Variants in MYO9A observed in about 807,000 individuals in gnomAD.
MYO9A encodes the protein myosin IXA.
A neutral mutation model predicts 293.3 loss-of-function variants in MYO9A; 103 were observed. The ratio of observed to expected loss-of-function variants is 0.35; its 90% CI spans 0.30 to 0.41. MYO9A has a LOEUF of 0.41. MYO9A is among the 10% of genes least tolerant of loss of function. The pLI is 1.00. For synonymous variants in MYO9A, 1,001 were observed against 1,035.7 expected (o/e 0.97, Z 0.64); for missense variants, 2,685 against 3,033.0 (o/e 0.89, Z 2.69).
intron 17 of MYO9A, among the ~76,000 whole-genome samples, chr15:71,933,996 T>A (rs1252756969): frequency 6.6e-6 from 1 of 152,152 alleles, no homozygotes; most frequent in Non-Finnish European, 1.5e-5. Flanking sequence ...CAGGTTCATT[T>A]TCTTCAGTTG....
intron 26 of MYO9A, chr15:71,892,893 T>G (rs2057220065): frequency 1.0e-6 from 1 of 978,502 alleles, no homozygotes; most frequent in South Asian, 1.7e-5. Context: ...GCTGTGAAGG[T>G]TAGCTTTAGA....
chr15:71,899,903 C>T lies in MYO9A; in HGVS notation c.3254G>A (p.Trp1085Ter). 1 of 1,614,072 alleles carries T rather than the reference C, an allele frequency of 6.2e-7. No individual in the cohort carries two copies. The highest frequency in any genetic ancestry group is 8.5e-7 in the Non-Finnish European group (1 of 1,180,020). ...CCGCTGCCTCTCTAAGTGAGCACGCCAGGAAGCTTGGAGAAGAGCAGCTGC... is the reference window on the plus strand; with the variant it reads ...CCGCTGCCTCTCTAAGTGAGCACGCTAGGAAGCTTGGAGAAGAGCAGCTGC... ...ASAAALLQAS[W>*]RAHLERQRYL... Residue 1085 changes from tryptophan (W) to a stop codon, truncating the protein, a stop_gained, in exon 24 of 42, where the codon TGG (tryptophan) becomes TAG (stop). Coordinates refer to ENST00000356056, the MANE Select transcript of MYO9A (RefSeq NM_006901.4). LOFTEE classifies it high-confidence loss of function.
chr15:71,951,924 A>C (rs771381022), intron 14 of MYO9A, 28 bp from the exon 15 acceptor site: 3 of 1,562,236 alleles, frequency 1.9e-6, no homozygotes, highest in South Asian at 1.2e-5. Context: ...AACAAACAAA[A>C]AAAAAAGGAG....
chr15:71,871,098 G>GGT (rs2056496653), intron 32 of MYO9A, among the ~76,000 whole-genome samples: 2 of 152,164 alleles, frequency 1.3e-5, no homozygotes, highest in African/African-American at 4.8e-5. Context: ...TACTAGGCCA[G>GGT]GTGTGGTGGC....
intron 9 of MYO9A, among the ~76,000 whole-genome samples, chr15:71,998,545 GC>G (rs2076767711): frequency 7.8e-6 from 1 of 127,990 alleles, no homozygotes; most frequent in African/African-American, 2.9e-5. Flanking sequence ...TAAAGATTTG[GC>G]TTTCTTTTTT....
At position 71,933,697 on chromosome 15, in the gene MYO9A, AT is replaced by A; in HGVS notation, c.2534del (p.Asn845IlefsTer13). On this transcript the variant is annotated frameshift_variant, in exon 18 of 42. Transcript: ENST00000356056. LOFTEE classifies it high-confidence loss of function. The part of the protein sequence containing the change: ...RAHGILTRNK[N>X]FKSKPALPKH... The stretch of plus-strand genomic sequence containing the variant: ...TTGGAAGGGCAGGCTTGGATTTGAA[AT>A]TTTTGTTTCTCCTATAGAGATAAAT... The A allele has an allele frequency of 6.3e-7, 1 of 1,589,524 alleles. No homozygotes were observed. The highest frequency in any genetic ancestry group is 8.6e-7 in the Non-Finnish European group (1 of 1,167,582).
chr15:72,020,945 T>G lies in MYO9A; in HGVS notation c.1071A>C (p.Gln357His), dbSNP rs1453155362. ...EDERSAFHLK[Q>H]PEEYHYLNQI... is the part of the protein sequence containing the mutation. Reference sequence around the variant, plus strand: ...GATTGAGATAATGATATTCCTCTGGTTGCTTAAGATGGAATGCTGATCTCT... The same window carrying G: ...GATTGAGATAATGATATTCCTCTGGGTGCTTAAGATGGAATGCTGATCTCT... Residue 357 changes from glutamine to histidine, a missense_variant, in exon 5 of 42, where the codon CAA becomes CAC. Gln to His is a conservative substitution (Grantham distance 24, BLOSUM62 0). This residue lies in a region of MYO9A where 289 missense variants were observed against 456.8 expected (regional missense o/e 0.63). Coordinates refer to ENST00000356056, the MANE Select transcript of MYO9A (RefSeq NM_006901.4). 6.5e-7 allele frequency: 1 copy of G among 1,544,152 alleles called. No homozygotes were observed. The highest frequency in any genetic ancestry group is 8.7e-7 in the Non-Finnish European group (1 of 1,152,960).
At position 72,043,538 on chromosome 15, in the gene MYO9A, A is replaced by T. The variant is rs575025444; in HGVS notation, c.840+2186T>A. Among the ~76,000 whole-genome samples the T allele has an allele frequency of 3.3e-5, 5 of 152,348 alleles. 1 individual carries two copies. In the South Asian group the frequency reaches 1.0e-3, roughly 32 times the overall value. On this transcript the variant is annotated intron_variant, in intron 2 of 41. Coordinates refer to ENST00000356056, the MANE Select transcript of MYO9A (RefSeq NM_006901.4). ...GAATGTATTATCGACATATGCAACAACATGGATAAATCTCAAAATAATTAT... is the reference window on the plus strand; with the variant it reads ...GAATGTATTATCGACATATGCAACATCATGGATAAATCTCAAAATAATTAT...
At chr15:71,873,201 G>A (rs553007130) in intron 32 of MYO9A, among the ~76,000 whole-genome samples, 1 of 152,152 alleles carries the variant, frequency 6.6e-6, no homozygotes, top group African/African-American at 2.4e-5. Flanking sequence ...TTACAAGTGT[G>A]AACCACCGCG....
intron 7 of MYO9A, 99 bp downstream of exon 7, chr15:72,010,251 C>A: frequency 3.5e-6 from 3 of 867,304 alleles, no homozygotes; most frequent in South Asian, 1.9e-5. Flanking sequence ...TGAAGAATAC[C>A]ACTTAGAAAA....
intron 9 of MYO9A, among the ~76,000 whole-genome samples, chr15:71,995,021 C>T (rs550608098): frequency 1.3e-4 from 20 of 152,316 alleles, no homozygotes; most frequent in South Asian, 2.1e-4. Context: ...CGTGAGCCAC[C>T]GCACCCAGCC....
chr15:71,992,961 TATAA>T (rs1419276628), intron 10 of MYO9A, among the ~76,000 whole-genome samples: 20 of 152,024 alleles, frequency 1.3e-4, no homozygotes, highest in Non-Finnish European at 2.9e-4. Context: ...AAAAAGATGG[TATAA>T]ATAAATCTAA....
intron 6 of MYO9A, among the ~76,000 whole-genome samples, chr15:72,015,399 C>T (rs1184442586): frequency 6.6e-6 from 1 of 152,122 alleles, no homozygotes; most frequent in East Asian, 1.9e-4. Flanking sequence ...TCTCTGAAAG[C>T]ACTATAGGAG....
At chr15:72,063,539 A>C (rs2078933980) in intron 1 of MYO9A, among the ~76,000 whole-genome samples, 1 of 152,212 alleles carries the variant, frequency 6.6e-6, no homozygotes, top group Non-Finnish European at 1.5e-5. Flanking sequence ...GAGTTCAAAC[A>C]ACTCAATAGG....
At chr15:72,096,117 C>T (rs145740465) in intron 1 of MYO9A, among the ~76,000 whole-genome samples, 3 of 148,110 alleles carry the variant, frequency 2.0e-5, no homozygotes, top group South Asian at 2.1e-4. Flanking sequence ...GCCAAGATCA[C>T]GCCACTATAC....
chr15:72,117,456 G>A (rs1421870185), intron 1 of MYO9A, among the ~76,000 whole-genome samples: 1 of 152,170 alleles, frequency 6.6e-6, no homozygotes, highest in Non-Finnish European at 1.5e-5. Context: ...AATCTCCGGG[G>A]AGGCTGGAGG....
upstream of MYO9A, chr15:72,118,250 A>G (rs1206227958): frequency 2.4e-5 from 8 of 327,792 alleles, no homozygotes; most frequent in African/African-American, 1.1e-4. Context: ...GCTTGCGCAG[A>G]CACGCCCCCT....
chr15:71,875,864 G>A, intron 31 of MYO9A, 26 bp from the exon 32 acceptor site: 2 of 1,277,628 alleles, frequency 1.6e-6, no homozygotes, highest in African/African-American at 1.5e-5. Context: ...GAGATATATG[G>A]AAATTGTGAT....
chr15:71,847,599 C>G, intron 39 of MYO9A: 1 of 324,594 alleles, frequency 3.1e-6, no homozygotes, highest in Non-Finnish European at 7.0e-6. Flanking sequence ...AAAAGCGCAG[C>G]TTATCTATCT....
Sources: gnomAD v4.1 joint callset for allele counts (sites outside exome capture counted in the v4.1 genomes callset) on GRCh38, gnomAD v4.1.1 for gene constraint, gnomAD v4.1.1 regional missense constraint, MANE v1.5 for transcripts, NCBI Gene and HGNC (gene_info 2026-07-23, HGNC 2026-07-21) for gene names.